Variants in FREM2 observed in about 807,000 individuals in gnomAD.
The protein encoded by FREM2 is FRAS1 related extracellular matrix 2, also known as FRAS1-related extracellular matrix protein 2.
Under a neutral mutation model 219.9 loss-of-function variants are expected in FREM2, and 119 were observed. The observed-to-expected ratio is 0.54, with a 90% CI of 0.47 to 0.63. The LOEUF (loss-of-function observed/expected upper bound fraction) is 0.63, where lower values mean the gene tolerates loss of function less well. Ranked by LOEUF, FREM2 falls within the 30% of genes least tolerant of loss-of-function variation. The pLI, the probability that FREM2 is intolerant of heterozygous loss-of-function variation, is 0.00. For missense variants in FREM2, 4,030 were observed against 3,993.6 expected (o/e 1.01, Z -0.25); for synonymous variants, 1,562 against 1,522.8 (o/e 1.03, Z -0.60).
chr13:38,772,199 T>A (rs1003359772), intron 4 of FREM2, among the ~76,000 whole-genome samples: 1 of 152,210 alleles, frequency 6.6e-6, no homozygotes, highest in East Asian at 1.9e-4. Flanking sequence ...AATTTTACAT[T>A]AAAAATTTAT....
intron 2 of FREM2, among the ~76,000 whole-genome samples, chr13:38,710,328 A>G (rs1002328333): frequency 1.2e-4 from 18 of 152,316 alleles, no homozygotes; most frequent in African/African-American, 4.3e-4. Flanking sequence ...CATATATTCA[A>G]TATCTCTATT....
intron 2 of FREM2, among the ~76,000 whole-genome samples, chr13:38,701,997 G>C (rs1870362326): frequency 6.6e-6 from 1 of 152,000 alleles, no homozygotes; most frequent in South Asian, 2.1e-4. Flanking sequence ...GGATAAACAG[G>C]AGAAAAACAA....
chr13:38,734,833 A>G (rs972520772), intron 2 of FREM2, among the ~76,000 whole-genome samples: 10 of 136,080 alleles, frequency 7.3e-5, no homozygotes, highest in Non-Finnish European at 1.1e-4. Flanking sequence ...TGCAACCTCT[A>G]CCTCCCAGGT....
rs184611365 is a variant in FREM2 at position 38,797,462 on chromosome 13, A to T, written c.6019+12654A>T. Among the ~76,000 whole-genome samples, 59 of 151,882 alleles carry T rather than the reference A, an allele frequency of 3.9e-4. No individual in the cohort carries two copies. In the East Asian group the frequency reaches 8.9e-3, roughly 23 times the overall value. The stretch of plus-strand genomic sequence containing the variant: ...TAATGGGATTATTTGTATTTTTTTA[A>T]AAAATTGCTGAGTTGTTTGAATACC... On this transcript the variant is annotated intron_variant, in intron 6 of 23. Transcript: ENST00000280481.
chr13:38,806,586 T>C (rs185626247), intron 6 of FREM2, among the ~76,000 whole-genome samples: 1 of 152,050 alleles, frequency 6.6e-6, no homozygotes, highest in Admixed American at 6.5e-5. Flanking sequence ...TAAAAAATAC[T>C]TAAAATACTT....
At chr13:38,800,686 A>G (rs974549238) in intron 6 of FREM2, among the ~76,000 whole-genome samples, 5 of 152,152 alleles carry the variant, frequency 3.3e-5, no homozygotes, top group Non-Finnish European at 5.9e-5. Context: ...CTGGAATGCA[A>G]TGGTGCAATC....
At chr13:38,826,952 GTATAACA>G (rs1462177442) in intron 6 of FREM2, among the ~76,000 whole-genome samples, 11 of 152,010 alleles carry the variant, frequency 7.2e-5, no homozygotes. Context: ...ATACTGATCT[GTATAACA>G]TATTCTAATT....
Position 38,689,848 on chromosome 13 carries a change from C to A in FREM2, c.2504C>A (p.Thr835Asn), listed in dbSNP as rs1224764502. 7 of 1,614,166 alleles carry A rather than the reference C, an allele frequency of 4.3e-6. No homozygotes were observed. The highest frequency in any genetic ancestry group is 5.9e-6 in the Non-Finnish European group (7 of 1,180,040). Residue 835 changes from threonine (T) to asparagine (N), a missense_variant, in exon 1 of 24, where the codon ACC becomes AAC. Coordinates refer to ENST00000280481, the MANE Select transcript of FREM2 (RefSeq NM_207361.6). ...VDNQPPEILN[T>N]GFTIQEKGHH... ...AACCAGCCACCTGAGATCCTCAACA[C>A]CGGCTTCACTATTCAGGAGAAGGGT...
intron 6 of FREM2, among the ~76,000 whole-genome samples, chr13:38,791,273 A>G (rs1439239432): frequency 1.3e-5 from 2 of 152,338 alleles, no homozygotes; most frequent in East Asian, 1.9e-4. Flanking sequence ...AGTCTAGGCC[A>G]GGATTTGTTC....
At chr13:38,871,563 T>G (rs575274855) in intron 16 of FREM2, among the ~76,000 whole-genome samples, 2 of 152,238 alleles carry the variant, frequency 1.3e-5, no homozygotes, top group South Asian at 4.1e-4. Flanking sequence ...TAAGACAGAA[T>G]AGAAAAAAAA....
At chr13:38,865,615 CCA>C (rs1246841575) in intron 16 of FREM2, among the ~76,000 whole-genome samples, 9 of 152,002 alleles carry the variant, frequency 5.9e-5, no homozygotes, top group African/African-American at 1.9e-4. Context: ...TGAGATAATC[CCA>C]CAGTAAAGCT....
intron 2 of FREM2, among the ~76,000 whole-genome samples, chr13:38,712,456 A>G (rs1272788820): frequency 6.6e-6 from 1 of 152,222 alleles, no homozygotes; most frequent in Non-Finnish European, 1.5e-5. Flanking sequence ...CTCAAGGACA[A>G]TATATTTACA....
chr13:38,861,140 C>T (rs187345098), intron 14 of FREM2, among the ~76,000 whole-genome samples: 1 of 152,180 alleles, frequency 6.6e-6, no homozygotes, highest in East Asian at 1.9e-4. Flanking sequence ...TGAATATGAC[C>T]ATGACCTAGA....
intron 6 of FREM2, among the ~76,000 whole-genome samples, chr13:38,809,187 T>C (rs1875376552): frequency 6.6e-6 from 1 of 151,916 alleles, no homozygotes; most frequent in Admixed American, 6.6e-5. Context: ...CTCTCAGTAG[T>C]ATTTTTTATA....
At chr13:38,813,508 CTCTCTCTCTCCTCT>C (rs1875597749) in intron 6 of FREM2, among the ~76,000 whole-genome samples, 1 of 12,258 alleles carries the variant, frequency 8.2e-5, no homozygotes, top group African/African-American at 2.7e-4. Context: ...CTCTCTCTCT[CTCTCTCTCTCCTCT>C]CTCTCTCTCT....
chr13:38,733,314 GTT>G lies in FREM2; in HGVS notation c.5264-30978_5264-30977del, dbSNP rs11367311. 3.6e-3 allele frequency among the ~76,000 whole-genome samples: 525 copies of G among 146,122 alleles called. 1 individual carries two copies. Among genetic ancestry groups the G allele is most frequent in the African/African-American group, 0.011 (432 of 40,000 alleles). ...GCCTCTGTTGACTTCGGAGCCAGTG[GTT>G]TTTTTTTTTTTCTAATGATGGTAAG... On this transcript the variant is annotated intron_variant, in intron 2 of 23. Transcript: ENST00000280481.
intron 3 of FREM2, among the ~76,000 whole-genome samples, chr13:38,765,190 G>A (rs572549362): frequency 2.0e-4 from 31 of 152,308 alleles, no homozygotes; most frequent in Non-Finnish European, 3.7e-4. Context: ...GATTACAGGC[G>A]TGAGCCACCG....
chr13:38,759,261 A>C (rs1186025826), intron 2 of FREM2, among the ~76,000 whole-genome samples: 1 of 152,158 alleles, frequency 6.6e-6, no homozygotes, highest in African/African-American at 2.4e-5. Context: ...AATATTTTCT[A>C]TTTGTAACTA....
At chr13:38,763,481 C>A (rs55864343) in intron 2 of FREM2, among the ~76,000 whole-genome samples, 1 of 101,416 alleles carries the variant, frequency 9.9e-6, no homozygotes, top group Non-Finnish European at 1.7e-5. Context: ...TTTTTTTACA[C>A]CCTCTTTCAG....
Sources: allele counts gnomAD v4.1 joint callset (sites outside exome capture counted in the v4.1 genomes callset), GRCh38; gene constraint gnomAD v4.1.1; transcripts MANE v1.5; gene names NCBI Gene and HGNC (gene_info 2026-07-23, HGNC 2026-07-21).